Variants in TRPS1 observed in about 807,000 individuals in gnomAD.
The protein encoded by TRPS1 is transcriptional repressor GATA binding 1, also known as zinc finger transcription factor Trps1.
TRPS1 carries 6 observed loss-of-function variants against 101.2 expected under a neutral mutation model. The observed-to-expected ratio is 0.06, with a 90% CI of 0.03 to 0.12. The LOEUF (loss-of-function observed/expected upper bound fraction) is 0.12, where lower values mean the gene tolerates loss of function less well. Among genes scored for constraint, TRPS1 ranks in the 10% least tolerant of loss-of-function variants. The pLI, the probability that TRPS1 is intolerant of heterozygous loss-of-function variation, is 1.00. For missense variants in TRPS1, 1,363 were observed against 1,567.0 expected (o/e 0.87, Z 2.20); for synonymous variants, 578 against 589.8 (o/e 0.98, Z 0.29).
In TRPS1 at chr8:115,604,425, G is replaced by C. The variant is rs142784032; in HGVS notation, c.1544C>G (p.Ser515Trp). 6.2e-7 allele frequency: 1 copy of C among 1,613,924 alleles called. No homozygotes were observed. Among genetic ancestry groups the C allele is most frequent in the Admixed American group, 1.7e-5 (1 of 59,992 alleles). ...GAAGTCCTTCTTTTTAGCCCCACTC[G>C]AGCTCTTGTCTGTCTTGGTCATTGT... Reference protein sequence around the residue: ...GETMTKTDKSSSGAKKKDFSS... With the variant: ...GETMTKTDKSWSGAKKKDFSS... The change falls in exon 4 of 7, where the codon TCG becomes TGG. Residue 515 changes from serine (S) to tryptophan (W), a missense_variant. By Grantham distance (177) the Ser-to-Trp change is radical. Coordinates refer to ENST00000395715, the MANE Select transcript of TRPS1 (RefSeq NM_014112.5). This position sits in a 1 kb window ranked among gnomAD's most constrained non-coding sequence, Gnocchi z 4.1.
At chr8:115,547,632 C>A (rs1297768331) in intron 5 of TRPS1, among the ~76,000 whole-genome samples, 3 of 152,138 alleles carry the variant, frequency 2.0e-5, no homozygotes, top group African/African-American at 4.8e-5. Flanking sequence ...TCCCAACCTG[C>A]CTCCCTCTAG....
chr8:115,418,303 T>C lies in TRPS1; in HGVS notation c.2823+27A>G, dbSNP rs556726717. 3 of 1,614,010 alleles carry C rather than the reference T, an allele frequency of 1.9e-6. No individual in the cohort carries two copies. The highest frequency in any genetic ancestry group is 2.5e-6 in the Non-Finnish European group (3 of 1,179,922). On this transcript the variant is annotated intron_variant, in intron 6 of 6. Coordinates refer to ENST00000395715, the MANE Select transcript of TRPS1 (RefSeq NM_014112.5). The surrounding 1 kb of genome is among the most constrained non-coding windows in gnomAD (Gnocchi z 4.3). ...GGCCAACACTGCTTTATAAAGCTTT[T>C]CCTGAAAGAGTGGAACAAGTTCTTA...
At chr8:115,578,419 A>C (rs1417473932) in intron 5 of TRPS1, among the ~76,000 whole-genome samples, 3 of 152,164 alleles carry the variant, frequency 2.0e-5, no homozygotes, top group Admixed American at 6.5e-5. Context: ...TATCCCAAAA[A>C]GATGATAAAG....
intron 1 of TRPS1, among the ~76,000 whole-genome samples, chr8:115,648,745 GCT>G (rs2130604802): frequency 6.6e-6 from 1 of 152,072 alleles, no homozygotes; most frequent in South Asian, 2.1e-4. Context: ...CGTCTTTAAA[GCT>G]CTTTCATAAA....
chr8:115,575,677 T>G (rs1817301962), intron 5 of TRPS1, among the ~76,000 whole-genome samples: 1 of 152,074 alleles, frequency 6.6e-6, no homozygotes, highest in African/African-American at 2.4e-5. Context: ...AGGAGCTAAG[T>G]AGAAATTTGG....
At chr8:115,655,637 C>T (rs1484517221) in intron 1 of TRPS1, among the ~76,000 whole-genome samples, 1 of 151,960 alleles carries the variant, frequency 6.6e-6, no homozygotes, top group East Asian at 1.9e-4. Flanking sequence ...GATCTTTTGT[C>T]AAAAAACATT....
chr8:115,572,987 G>T (rs546884940), intron 5 of TRPS1, among the ~76,000 whole-genome samples: 2 of 152,160 alleles, frequency 1.3e-5, no homozygotes, highest in Non-Finnish European at 2.9e-5. Context: ...TACAAAATTA[G>T]CCAGGCGTGG....
At chr8:115,476,779 A>T (rs1814617400) in intron 5 of TRPS1, among the ~76,000 whole-genome samples, 1 of 152,214 alleles carries the variant, frequency 6.6e-6, no homozygotes, top group Non-Finnish European at 1.5e-5. Flanking sequence ...ATGATCAAGC[A>T]AAAGACAGAA....
intron 4 of TRPS1, among the ~76,000 whole-genome samples, chr8:115,600,120 C>A (rs1817876984): frequency 6.6e-6 from 1 of 152,152 alleles, no homozygotes; most frequent in Non-Finnish European, 1.5e-5. Context: ...TGTTTATTGG[C>A]CGCATAAATA....
chr8:115,430,258 GAGAC>G, intron 5 of TRPS1, among the ~76,000 whole-genome samples: 1 of 152,158 alleles, frequency 6.6e-6, no homozygotes, highest in Non-Finnish European at 1.5e-5. Flanking sequence ...ATAGGTATAG[GAGAC>G]AGACTGCTGG....
intron 5 of TRPS1, among the ~76,000 whole-genome samples, chr8:115,558,612 A>G (rs1456514248): frequency 1.3e-5 from 2 of 152,222 alleles, no homozygotes; most frequent in South Asian, 2.1e-4. Flanking sequence ...TTGTGGATTT[A>G]TATCTTCCCA....
At chr8:115,466,758 C>T (rs758455839) in intron 5 of TRPS1, among the ~76,000 whole-genome samples, 4 of 152,164 alleles carry the variant, frequency 2.6e-5, no homozygotes, top group Non-Finnish European at 5.9e-5. Flanking sequence ...GGCATTTCTG[C>T]AGTGGAACAC....
chr8:115,573,003 C>T (rs1817241369), intron 5 of TRPS1, among the ~76,000 whole-genome samples: 1 of 151,842 alleles, frequency 6.6e-6, no homozygotes, highest in Admixed American at 6.6e-5. Context: ...CGTGGTGGCG[C>T]ATCCCAGCTA....
intron 4 of TRPS1, among the ~76,000 whole-genome samples, chr8:115,600,334 T>C (rs1817880840): frequency 6.6e-6 from 1 of 152,194 alleles, no homozygotes; most frequent in South Asian, 2.1e-4. Flanking sequence ...TGGTGAATTT[T>C]CGTAATAGTG....
At chr8:115,520,092 A>G (rs1815820819) in intron 5 of TRPS1, among the ~76,000 whole-genome samples, 2 of 151,604 alleles carry the variant, frequency 1.3e-5, no homozygotes, top group South Asian at 4.1e-4. Context: ...ATTGTTTTGC[A>G]AATTCATCAA....
rs777813647 is a variant in TRPS1, at chr8:115,604,003, C to A, written c.1966G>T (p.Asp656Tyr). 1.3e-5 allele frequency: 21 copies of A among 1,613,946 alleles called. No homozygotes were observed. The South Asian group carries it at 2.3e-4, about 18-fold the overall frequency. Reference protein sequence around the residue: ...YESVHESQASDVKQEANHLQG... With the variant: ...YESVHESQASYVKQEANHLQG... ...AGGTGATTTGCTTCTTGTTTGACAT[C>A]CGATGCTTGGGACTCATGCACACTT... The change falls in exon 4 of 7, where the codon GAT becomes TAT. Residue 656 changes from aspartate (D) to tyrosine (Y), a missense_variant. This residue lies in a region of TRPS1 where 1,020 missense variants were observed against 1,073.0 expected (regional missense o/e 0.95). Transcript: ENST00000395715. The surrounding 1 kb of genome is among the most constrained non-coding windows in gnomAD (Gnocchi z 4.1).
chr8:115,546,394 T>G (rs1816573269), intron 5 of TRPS1, among the ~76,000 whole-genome samples: 1 of 152,078 alleles, frequency 6.6e-6, no homozygotes, highest in Non-Finnish European at 1.5e-5. Context: ...CTAATACACT[T>G]AAGTGATACC....
intron 5 of TRPS1, among the ~76,000 whole-genome samples, chr8:115,438,413 T>C (rs987936456): frequency 2.0e-5 from 3 of 152,196 alleles, no homozygotes; most frequent in African/African-American, 7.2e-5. Flanking sequence ...GGTGCTCTAA[T>C]AAAGTCATTT....
intron 1 of TRPS1, among the ~76,000 whole-genome samples, chr8:115,657,059 T>C (rs1159598542): frequency 6.6e-6 from 1 of 152,148 alleles, no homozygotes; most frequent in Non-Finnish European, 1.5e-5. Context: ...TTTAAAAATC[T>C]AAAACATTTT....
Sources: allele counts gnomAD v4.1 joint callset (sites outside exome capture counted in the v4.1 genomes callset), GRCh38; gene constraint gnomAD v4.1.1; regional missense constraint gnomAD v4.1.1; non-coding constraint Gnocchi (gnomAD v3.1); transcripts MANE v1.5; gene names NCBI Gene and HGNC (gene_info 2026-07-23, HGNC 2026-07-21).